The following MYOM1 variants were observed in gnomAD, a reference collection of about 807,000 sequenced individuals.
MYOM1 encodes myomesin 1.
In MYOM1, 164 loss-of-function variants were observed where a neutral mutation model predicts 205.3. The observed-to-expected ratio is 0.80, with a 90% CI of 0.70 to 0.91. The LOEUF is 0.91. Among genes scored for constraint, MYOM1 ranks in the 40% least tolerant of loss-of-function variants. MYOM1 has a pLI of 0.00. For synonymous variants in MYOM1, 772 were observed against 789.4 expected, an observed-to-expected ratio of 0.98 and a Z score of 0.37; for missense variants, 2,011 against 2,127.3, an observed-to-expected ratio of 0.95 and a Z score of 1.08.
chr18:3,221,358 C>A (rs767423910), upstream of MYOM1, among the ~76,000 whole-genome samples: 9 of 152,206 alleles, frequency 5.9e-5, no homozygotes, highest in Non-Finnish European at 4.4e-5. Flanking sequence ...TTATAGTATA[C>A]TTCATCATGA....
rs17183883 is a variant in MYOM1, at chr18:3,174,020, C to T, written c.1112-20G>A. 0.24 allele frequency: 387,337 copies of T among 1,604,166 alleles called. 48,620 individuals are homozygous for T. Among genetic ancestry groups the T allele is most frequent in the East Asian group, 0.29 (13,023 of 44,820 alleles). On this transcript the variant is annotated intron_variant, in intron 7 of 37. Transcript: ENST00000356443. ...TATACCCTAGAGAAGAAAACAGAAA[C>T]GCATGTGAACTGCTTTGTGATCGAT...
intron 26 of MYOM1, among the ~76,000 whole-genome samples, chr18:3,092,724 C>A (rs2079242591): frequency 6.6e-6 from 1 of 152,166 alleles, no homozygotes; most frequent in Non-Finnish European, 1.5e-5. Flanking sequence ...GCTCCCGAGC[C>A]TCACCTGCAG....
intron 12 of MYOM1, among the ~76,000 whole-genome samples, chr18:3,150,279 CACGA>C (rs1374980936): frequency 7.2e-5 from 11 of 152,146 alleles, no homozygotes; most frequent in Non-Finnish European, 1.6e-4. Context: ...CCCGGCTGGT[CACGA>C]ACTCCTGACC....
chr18:3,229,980 A>G, the MYOM1 span, among the ~76,000 whole-genome samples: 1 of 121,330 alleles, frequency 8.2e-6, no homozygotes, highest in Non-Finnish European at 1.8e-5. Context: ...CCATCTCAAA[A>G]AAAAAAAAAA....
At chr18:3,095,389 T>C (rs1437523330) in intron 25 of MYOM1, among the ~76,000 whole-genome samples, 1 of 152,086 alleles carries the variant, frequency 6.6e-6, no homozygotes, top group Non-Finnish European at 1.5e-5. Flanking sequence ...GCCAACATGG[T>C]GAAACCCCAT....
chr18:3,068,366 T>C (rs2078922164), intron 37 of MYOM1, among the ~76,000 whole-genome samples: 1 of 152,110 alleles, frequency 6.6e-6, no homozygotes, highest in African/African-American at 2.4e-5. Flanking sequence ...TAGAATGTCA[T>C]AACCAGTATA....
In MYOM1 at chr18:3,103,461, T is replaced by C. The variant is rs554176101; in HGVS notation, c.3419-831A>G. 2.6e-5 allele frequency among the ~76,000 whole-genome samples: 4 copies of C among 152,298 alleles called. No individual in the cohort carries two copies. The South Asian group carries it at 8.3e-4, about 32-fold the overall frequency. The stretch of plus-strand genomic sequence containing the variant: ...CACCTAATAGAGAATTCAAGGAGAA[T>C]TTGTACAGCATATGAAACATTCACA... On this transcript the variant is annotated intron_variant, in intron 22 of 37. Transcript: ENST00000356443.
intron 33 of MYOM1, among the ~76,000 whole-genome samples, chr18:3,081,258 C>T (rs1311259272): frequency 6.6e-6 from 1 of 152,034 alleles, no homozygotes; most frequent in African/African-American, 2.4e-5. Flanking sequence ...AATGTGCTTC[C>T]GATGGAATAG....
intron 34 of MYOM1, among the ~76,000 whole-genome samples, chr18:3,077,098 G>A (rs943091238): frequency 1.3e-5 from 2 of 150,826 alleles, no homozygotes; most frequent in African/African-American, 2.4e-5. Flanking sequence ...AGGTAGCCTC[G>A]AACTCCTGGG....
chr18:3,076,518 G>C (rs2079022505), intron 34 of MYOM1, among the ~76,000 whole-genome samples: 1 of 152,088 alleles, frequency 6.6e-6, no homozygotes, highest in African/African-American at 2.4e-5. Context: ...ATGCTGTCTG[G>C]TCTGTTTGGG....
intron 20 of MYOM1, among the ~76,000 whole-genome samples, chr18:3,118,144 A>T (rs1397044914): frequency 6.6e-6 from 1 of 152,114 alleles, no homozygotes; most frequent in East Asian, 1.9e-4. Flanking sequence ...CTGAGTGTCA[A>T]TTTTTTCATC....
intron 14 of MYOM1, among the ~76,000 whole-genome samples, chr18:3,137,159 C>A (rs34551689): frequency 0.26 from 38,709 of 151,754 alleles, 5,202 homozygotes; most frequent in East Asian, 0.42. Flanking sequence ...CCGTGTTAGC[C>A]AGGATGGTCT....
At chr18:3,235,686 TG>T in the MYOM1 span, among the ~76,000 whole-genome samples, 2 of 152,206 alleles carry the variant, frequency 1.3e-5, no homozygotes, top group African/African-American at 4.8e-5. Flanking sequence ...ATCCTCTTCA[TG>T]GAACTTAGTA....
rs1241920775 is a variant in MYOM1, at chr18:3,127,282, C to CATATATATATATAT, written c.2795-399_2795-386dup. On this transcript the variant is annotated intron_variant, in intron 18 of 37. Transcript: ENST00000356443. ...CTGCAATTTGCTTATTCAGAATTTCCATATATATATATATATATATATATT... is the reference window on the plus strand; with the variant it reads ...CTGCAATTTGCTTATTCAGAATTTCCATATATATATATATATATATATATATATATATATATATT... 2.0e-3 allele frequency among the ~76,000 whole-genome samples: 121 copies of CATATATATATATAT among 59,462 alleles called. 1 individual carries two copies. The highest frequency in any genetic ancestry group is 3.7e-3 in the South Asian group (5 of 1,362). 39.0% of individuals were successfully genotyped at this position (59,462 alleles called of 152,430 possible). A position where few individuals can be genotyped will look rare whatever the true frequency, so the allele number is the denominator to read the frequency against.
intron 21 of MYOM1, 73 bp downstream of exon 21, chr18:3,116,258 A>G: frequency 2.0e-6 from 3 of 1,468,800 alleles, no homozygotes; most frequent in South Asian, 1.2e-5. Context: ...ATTCTGTTTT[A>G]TCTTGCTAAC....
At chr18:3,232,713 G>A in the MYOM1 span, among the ~76,000 whole-genome samples, 627 of 152,222 alleles carry the variant, frequency 4.1e-3, 4 homozygotes, top group Non-Finnish European at 6.8e-3. Flanking sequence ...TATGCTTTAT[G>A]TTCCATGCTT....
At chr18:3,240,224 T>G in the MYOM1 span, among the ~76,000 whole-genome samples, 38 of 152,352 alleles carry the variant, frequency 2.5e-4, no homozygotes, top group African/African-American at 8.9e-4. Flanking sequence ...TCAAAACAGC[T>G]TAGATATCAG....
chr18:3,104,521 T>G (rs139857123), intron 22 of MYOM1, among the ~76,000 whole-genome samples: 2 of 152,162 alleles, frequency 1.3e-5, no homozygotes, highest in Admixed American at 6.5e-5. Flanking sequence ...TGTGAAAGAT[T>G]TGACTTTTCT....
chr18:3,221,740 T>C (rs904188352), upstream of MYOM1, among the ~76,000 whole-genome samples: 20 of 152,252 alleles, frequency 1.3e-4, no homozygotes, highest in Non-Finnish European at 4.4e-5. Context: ...TAAAAGAATC[T>C]GTTCCACCTA....
Sources: allele counts gnomAD v4.1 joint callset (sites outside exome capture counted in the v4.1 genomes callset), GRCh38; gene constraint gnomAD v4.1.1; transcripts MANE v1.5; gene names NCBI Gene and HGNC (gene_info 2026-07-23, HGNC 2026-07-21).